WDR49: variants seen among roughly 807,000 people sequenced by gnomAD.
WDR49 encodes cilia- and flagella-associated protein 337.
A neutral mutation model predicts 119.5 loss-of-function variants in WDR49; 107 were observed. The observed-to-expected ratio is 0.90, with a 90% CI of 0.77 to 1.05. The LOEUF (loss-of-function observed/expected upper bound fraction) is 1.05, where lower values mean the gene tolerates loss of function less well. Among genes scored for constraint, WDR49 ranks in the 50% least tolerant of loss-of-function variants. The pLI is 0.00. For synonymous variants in WDR49, 425 were observed against 418.8 expected (o/e 1.01, Z -0.18); for missense variants, 1,240 against 1,220.5 (o/e 1.02, Z -0.24).
intron 7 of WDR49, among the ~76,000 whole-genome samples, chr3:167,598,608 A>T (rs1715611164): frequency 6.6e-6 from 1 of 152,164 alleles, no homozygotes; most frequent in Non-Finnish European, 1.5e-5. Flanking sequence ...ACCTTCCACC[A>T]TGATTGTAAG....
intron 3 of WDR49, among the ~76,000 whole-genome samples, chr3:167,623,126 A>C (rs1299201291): frequency 6.6e-6 from 1 of 152,068 alleles, no homozygotes; most frequent in Non-Finnish European, 1.5e-5. Flanking sequence ...AATCATACCA[A>C]TACTTCTCAA....
At chr3:167,625,503 C>A (rs984516345) in intron 3 of WDR49, among the ~76,000 whole-genome samples, 1 of 151,872 alleles carries the variant, frequency 6.6e-6, no homozygotes, top group Non-Finnish European at 1.5e-5. Context: ...TGTATTCTGC[C>A]CTTAATTTGT....
chr3:167,644,337 T>G (rs912915211), intron 2 of WDR49, among the ~76,000 whole-genome samples: 2 of 152,100 alleles, frequency 1.3e-5, no homozygotes, highest in African/African-American at 4.8e-5. Flanking sequence ...ATGGTATAGA[T>G]AAGGTGCCCA....
intron 7 of WDR49, among the ~76,000 whole-genome samples, chr3:167,594,570 A>C (rs1370146205): frequency 1.3e-5 from 2 of 152,228 alleles, no homozygotes; most frequent in African/African-American, 4.8e-5. Flanking sequence ...GAAGTTGGAA[A>C]TTATGTTTAA....
chr3:167,494,480 A>C (rs1577195802), intron 18 of WDR49, among the ~76,000 whole-genome samples: 1 of 152,286 alleles, frequency 6.6e-6, no homozygotes, highest in Non-Finnish European at 1.5e-5. Context: ...AGGAAAAAAA[A>C]AAACAGATAA....
In WDR49 at chr3:167,479,142, C is replaced by G. The variant is rs542915661; in HGVS notation, c.3032-146G>C. 71 of 623,070 alleles carry G rather than the reference C, an allele frequency of 1.1e-4. No homozygotes were observed. In the Admixed American group the frequency reaches 1.4e-3, roughly 12 times the overall value. The allele number at this position is 623,070 out of a possible 1,614,324, so 38.6% of individuals were successfully genotyped here. On this transcript the variant is annotated intron_variant, in intron 18 of 18. Coordinates refer to ENST00000682715, the MANE Select transcript of WDR49 (RefSeq NM_001366157.1). Reference sequence around the variant, plus strand: ...CAGAGTGTATTTGGAAAAATTTTCTCTAAGCTTCTGCTATTCTGTTTACTG... The same window carrying G: ...CAGAGTGTATTTGGAAAAATTTTCTGTAAGCTTCTGCTATTCTGTTTACTG...
chr3:167,557,061 G>A (rs557479467), intron 9 of WDR49, among the ~76,000 whole-genome samples: 1 of 152,028 alleles, frequency 6.6e-6, no homozygotes, highest in African/African-American at 2.4e-5. Flanking sequence ...GCCGAGCATG[G>A]TGGTGCACAC....
At chr3:167,524,485 C>T (rs1752564482) in intron 15 of WDR49, among the ~76,000 whole-genome samples, 1 of 152,106 alleles carries the variant, frequency 6.6e-6, no homozygotes, top group African/African-American at 2.4e-5. Context: ...TTGCCCATGC[C>T]TATGTCCTGT....
intron 8 of WDR49, among the ~76,000 whole-genome samples, chr3:167,563,847 T>C (rs1258215305): frequency 3.3e-5 from 5 of 152,232 alleles, no homozygotes. Flanking sequence ...CTAGAACTTA[T>C]TCTTCTGATC....
At chr3:167,614,426 A>G (rs1716501218) in intron 5 of WDR49, among the ~76,000 whole-genome samples, 1 of 152,162 alleles carries the variant, frequency 6.6e-6, no homozygotes, top group East Asian at 1.9e-4. Flanking sequence ...CCCAGACTAC[A>G]GTTTCCAAGG....
chr3:167,529,826 AT>A (rs1170268095), intron 13 of WDR49, among the ~76,000 whole-genome samples: 1 of 151,848 alleles, frequency 6.6e-6, no homozygotes, highest in Non-Finnish European at 1.5e-5. Flanking sequence ...TAACCTTTTC[AT>A]TTTCCATTTT....
intron 2 of WDR49, among the ~76,000 whole-genome samples, chr3:167,627,750 T>C (rs916030516): frequency 1.3e-5 from 2 of 152,100 alleles, no homozygotes; most frequent in Admixed American, 6.6e-5. Context: ...AATATATTTG[T>C]GTGTTTTAAG....
chr3:167,484,685 A>G (rs1750854520), intron 18 of WDR49, among the ~76,000 whole-genome samples: 1 of 115,602 alleles, frequency 8.7e-6, no homozygotes, highest in African/African-American at 3.5e-5. Flanking sequence ...TCACAGGATG[A>G]TGGCAAAAAA....
intron 18 of WDR49, among the ~76,000 whole-genome samples, chr3:167,482,441 G>T (rs1046198757): frequency 6.6e-6 from 1 of 151,808 alleles, no homozygotes; most frequent in South Asian, 2.1e-4. Context: ...AGGCCGAGGC[G>T]GGCGGATCAT....
chr3:167,630,818 T>A (rs1366714868), intron 2 of WDR49, among the ~76,000 whole-genome samples: 1 of 152,120 alleles, frequency 6.6e-6, no homozygotes, highest in African/African-American at 2.4e-5. Flanking sequence ...TGTGTTTCTG[T>A]TGAAAGACAT....
intron 5 of WDR49, 65 bp downstream of exon 5, chr3:167,620,364 T>C: frequency 7.1e-7 from 1 of 1,410,128 alleles, no homozygotes; most frequent in Non-Finnish European, 9.3e-7. Flanking sequence ...AGCATTTTCA[T>C]CAAAGAATAT....
chr3:167,526,166 C>T (rs896838880), intron 15 of WDR49, among the ~76,000 whole-genome samples: 5 of 152,082 alleles, frequency 3.3e-5, no homozygotes, highest in Admixed American at 6.6e-5. Flanking sequence ...TAAAATTATT[C>T]TCATGAGGGC....
At chr3:167,502,042 C>T (rs1751592140) in intron 17 of WDR49, among the ~76,000 whole-genome samples, 1 of 152,142 alleles carries the variant, frequency 6.6e-6, no homozygotes, top group South Asian at 2.1e-4. Context: ...ATTATGGGCA[C>T]ATATTTTTCA....
intron 5 of WDR49, among the ~76,000 whole-genome samples, chr3:167,613,288 A>G (rs1716432951): frequency 6.6e-6 from 1 of 152,238 alleles, no homozygotes; most frequent in African/African-American, 2.4e-5. Flanking sequence ...AAAAATAATA[A>G]TGCAATTAAT....
Sources: gnomAD v4.1 joint callset for allele counts (sites outside exome capture counted in the v4.1 genomes callset) on GRCh38, gnomAD v4.1.1 for gene constraint, MANE v1.5 for transcripts, NCBI Gene and HGNC (gene_info 2026-07-23, HGNC 2026-07-21) for gene names.